The following CLSTN2 variants were observed in gnomAD, a reference collection of about 807,000 sequenced individuals.
CLSTN2 encodes the protein calsyntenin-2.
A neutral mutation model predicts 101.2 loss-of-function variants in CLSTN2; 48 were observed. The ratio of observed to expected loss-of-function variants is 0.47; its 90% CI spans 0.38 to 0.60. The LOEUF is 0.60. Ranked by LOEUF, CLSTN2 falls within the 20% of genes least tolerant of loss-of-function variation. The pLI is 0.00. For synonymous variants in CLSTN2, 481 were observed against 463.6 expected, an observed-to-expected ratio of 1.04 and a Z score of -0.48; for missense variants, 1,160 against 1,238.2, an observed-to-expected ratio of 0.94 and a Z score of 0.95.
At chr3:140,472,972 A>G (rs1346934868) in intron 8 of CLSTN2, among the ~76,000 whole-genome samples, 1 of 152,064 alleles carries the variant, frequency 6.6e-6, no homozygotes, top group African/African-American at 2.4e-5. Context: ...ACATTTGGAG[A>G]GAGTTGGCTT....
chr3:140,101,569 C>G (rs2008966592), intron 1 of CLSTN2, among the ~76,000 whole-genome samples: 1 of 152,188 alleles, frequency 6.6e-6, no homozygotes. Context: ...TTCATAATGG[C>G]TTTGGCTCTG....
chr3:140,277,180 C>G (rs547276851), intron 2 of CLSTN2, among the ~76,000 whole-genome samples: 2 of 152,310 alleles, frequency 1.3e-5, no homozygotes, highest in East Asian at 3.9e-4. Context: ...ATGGTTATGT[C>G]TGTTATGAGT....
At chr3:140,167,588 G>A (rs2010153689) in intron 1 of CLSTN2, among the ~76,000 whole-genome samples, 1 of 152,174 alleles carries the variant, frequency 6.6e-6, no homozygotes, top group Non-Finnish European at 1.5e-5. Flanking sequence ...CTTTTTAAGT[G>A]TGAAGTTGGA....
At chr3:140,302,315 C>T (rs1576506200) in intron 2 of CLSTN2, among the ~76,000 whole-genome samples, 1 of 152,248 alleles carries the variant, frequency 6.6e-6, no homozygotes, top group African/African-American at 2.4e-5. Flanking sequence ...TGCTGACATA[C>T]AGGGACCATA....
At chr3:139,972,728 G>A (rs571382408) in intron 1 of CLSTN2, among the ~76,000 whole-genome samples, 1 of 152,306 alleles carries the variant, frequency 6.6e-6, no homozygotes, top group African/African-American at 2.4e-5. Flanking sequence ...GATTCATGAT[G>A]AAGAATGCAG....
intron 1 of CLSTN2, among the ~76,000 whole-genome samples, chr3:140,061,937 C>T (rs898901683): frequency 3.3e-5 from 5 of 152,232 alleles, no homozygotes; most frequent in Non-Finnish European, 5.9e-5. Flanking sequence ...TTTAAAATGG[C>T]TGTTTTTGCA....
At chr3:140,190,438 C>CAAAAAAAAAAAAAAA (rs35206840) in intron 2 of CLSTN2, among the ~76,000 whole-genome samples, 2 of 82,966 alleles carry the variant, frequency 2.4e-5, no homozygotes, top group African/African-American at 4.0e-5. Flanking sequence ...TCTATAGCTA[C>CAAAAAAAAAAAAAAA]AAAAAAAAAA....
intron 2 of CLSTN2, among the ~76,000 whole-genome samples, chr3:140,298,663 A>T (rs952631768): frequency 6.6e-6 from 1 of 152,228 alleles, no homozygotes; most frequent in Non-Finnish European, 1.5e-5. Context: ...TTGTTCATTC[A>T]TTCACAAAGC....
At chr3:140,195,842 G>A (rs1372375147) in intron 2 of CLSTN2, among the ~76,000 whole-genome samples, 1 of 152,180 alleles carries the variant, frequency 6.6e-6, no homozygotes, top group African/African-American at 2.4e-5. Flanking sequence ...ACGTCTCAAA[G>A]ATGGGTGCTT....
chr3:140,044,854 C>A (rs535925265), intron 1 of CLSTN2, among the ~76,000 whole-genome samples: 1 of 152,138 alleles, frequency 6.6e-6, no homozygotes, highest in Non-Finnish European at 1.5e-5. Flanking sequence ...ATATGTTGAA[C>A]CAGCCTTGCA....
chr3:139,958,174 T>C (rs1935444241), intron 1 of CLSTN2, among the ~76,000 whole-genome samples: 3 of 152,136 alleles, frequency 2.0e-5, no homozygotes, highest in Non-Finnish European at 2.9e-5. Context: ...CCTGCTTGAT[T>C]TGTGGCCTGG....
intron 2 of CLSTN2, among the ~76,000 whole-genome samples, chr3:140,348,819 A>G (rs2087578080): frequency 6.6e-6 from 1 of 152,208 alleles, no homozygotes; most frequent in African/African-American, 2.4e-5. Flanking sequence ...AAAGATACAC[A>G]TCCACAAACA....
At position 140,558,739 on chromosome 3, in the gene CLSTN2, C is replaced by T. The variant is rs778526411; in HGVS notation, c.1923C>T (p.Asp641=). Residue 641 remains aspartate, a synonymous_variant, in exon 12 of 17, where the codon GAC becomes GAT. Transcript: ENST00000458420. ...CCCGGATCACCCTCCGGGGCACAGA[C>T]CACTTCTGGAGACCTGCTGCCCAGT... ...IEPRITLRGT[D]HFWRPAAQFE... is the part of the protein sequence containing the mutation. 1 of 1,614,074 alleles carries T rather than the reference C, an allele frequency of 6.2e-7. No individual in the cohort carries two copies. Among genetic ancestry groups the T allele is most frequent in the South Asian group, 1.1e-5 (1 of 91,066 alleles).
chr3:140,241,790 G>GAT (rs36099204), intron 2 of CLSTN2, among the ~76,000 whole-genome samples: 58 of 138,550 alleles, frequency 4.2e-4, no homozygotes, highest in African/African-American at 1.3e-3. Context: ...TCATATGCGA[G>GAT]ATATATATAT....
chr3:140,096,737 A>G (rs190372059), intron 1 of CLSTN2, among the ~76,000 whole-genome samples: 47 of 152,312 alleles, frequency 3.1e-4, no homozygotes, highest in Middle Eastern at 3.4e-3. Flanking sequence ...CAGGCTCCTG[A>G]TTCAGAGTTG....
chr3:140,157,716 C>G (rs1471267609), intron 1 of CLSTN2, among the ~76,000 whole-genome samples: 1 of 152,132 alleles, frequency 6.6e-6, no homozygotes, highest in East Asian at 1.9e-4. Flanking sequence ...GTATGGATTT[C>G]TGCATCTCAG....
Position 140,114,251 on chromosome 3 carries a change from T to G in CLSTN2, c.110-61700T>G, listed in dbSNP as rs140769694. 1.4e-3 allele frequency among the ~76,000 whole-genome samples: 220 copies of G among 152,310 alleles called. 2 individuals carry two copies. The highest frequency in any genetic ancestry group is 5.0e-3 in the African/African-American group (208 of 41,564). ...ACTAAATTACTCATCATTCCCAGAA[T>G]TTGTTGCTTCTCCCACTTTTTGTGC... On this transcript the variant is annotated intron_variant, in intron 1 of 16. Transcript: ENST00000458420.
At chr3:140,171,821 T>C (rs1230241220) in intron 1 of CLSTN2, among the ~76,000 whole-genome samples, 2 of 85,892 alleles carry the variant, frequency 2.3e-5, no homozygotes, top group Non-Finnish European at 4.5e-5. Context: ...TATTATATAT[T>C]ATATATAATA....
At chr3:140,339,161 G>A (rs2087469178) in intron 2 of CLSTN2, among the ~76,000 whole-genome samples, 1 of 152,198 alleles carries the variant, frequency 6.6e-6, no homozygotes, top group Non-Finnish European at 1.5e-5. Flanking sequence ...CAGAACGTTG[G>A]TACCTTGTCT....
Sources: allele counts gnomAD v4.1 joint callset (sites outside exome capture counted in the v4.1 genomes callset), GRCh38; gene constraint gnomAD v4.1.1; transcripts MANE v1.5; gene names NCBI Gene and HGNC (gene_info 2026-07-23, HGNC 2026-07-21).